The following POM121 variants were observed in gnomAD, a reference collection of about 807,000 sequenced individuals.
POM121 encodes POM121 transmembrane nucleoporin.
Under a neutral mutation model 81.3 loss-of-function variants are expected in POM121, and 32 were observed. The ratio of observed to expected loss-of-function variants is 0.39; its 90% confidence interval spans 0.30 to 0.53. The LOEUF is 0.53. POM121 is among the 20% of genes least tolerant of loss of function. The pLI is 0.66. For missense variants in POM121, 1,138 were observed against 1,614.6 expected, an observed-to-expected ratio of 0.70 and a Z score of 5.06; for synonymous variants, 514 against 694.2, an observed-to-expected ratio of 0.74 and a Z score of 4.08.
intron 3 of POM121, among the ~76,000 whole-genome samples, chr7:72,903,553 T>C (rs1386075166): frequency 2.0e-5 from 3 of 152,258 alleles, no homozygotes; most frequent in Non-Finnish European, 4.4e-5. Flanking sequence ...GTTCAGTGAC[T>C]TTCTAAACCA....
intron 1 of POM121, among the ~76,000 whole-genome samples, chr7:72,886,814 C>T (rs1272531679): frequency 1.3e-5 from 2 of 150,684 alleles, no homozygotes; most frequent in African/African-American, 2.4e-5. Context: ...TTTTCTTCCC[C>T]CCTTATTGTT....
At chr7:72,903,472 G>A (rs781899269) in intron 3 of POM121, among the ~76,000 whole-genome samples, 4 of 152,158 alleles carry the variant, frequency 2.6e-5, no homozygotes, top group African/African-American at 4.8e-5. Flanking sequence ...GTATTATAAT[G>A]GGGTAACTGG....
chr7:72,939,436 C>T (rs367720701), intron 7 of POM121, 27 bp downstream of exon 7: 7 of 1,613,008 alleles, frequency 4.3e-6, no homozygotes, highest in African/African-American at 4.0e-5. Context: ...GGAGGAGGGG[C>T]TGCTGTTGGT....
chr7:72,891,650 G>A (rs11773592), intron 3 of POM121, among the ~76,000 whole-genome samples: 2 of 152,074 alleles, frequency 1.3e-5, no homozygotes, highest in Non-Finnish European at 2.9e-5. Flanking sequence ...CAAGTGATCC[G>A]CCCACCTCAG....
chr7:72,891,408 T>G (rs1374023669), intron 3 of POM121, among the ~76,000 whole-genome samples: 1 of 152,172 alleles, frequency 6.6e-6, no homozygotes, highest in Non-Finnish European at 1.5e-5. Flanking sequence ...TTTGTTTGTT[T>G]TTTTGTTTGG....
At position 72,902,356 on chromosome 7, in the gene POM121, G is replaced by C. The variant is rs570792416; in HGVS notation, c.-216+11246G>C. Among the ~76,000 whole-genome samples, 7 of 139,902 alleles carry C rather than the reference G, an allele frequency of 5.0e-5. No individual in the cohort carries two copies. In the South Asian group the frequency reaches 1.2e-3, roughly 24 times the overall value. 91.8% of individuals were successfully genotyped at this position (139,902 alleles called of 152,430 possible). A position where few individuals can be genotyped will look rare whatever the true frequency, so the allele number is the denominator to read the frequency against. ...TGGCTCACTGCAACCTCTGCCTCCT[G>C]GGTTCAAGCAATACTCCTGTCTCAG... On this transcript the variant is annotated intron_variant, in intron 3 of 15. Transcript: ENST00000395270.
intron 11 of POM121, 60 bp from the exon 12 acceptor site, chr7:72,945,526 G>A (rs1417023402): frequency 1.8e-5 from 29 of 1,600,772 alleles, no homozygotes; most frequent in Middle Eastern, 2.0e-4. Context: ...GCTCCTGCCC[G>A]GCTCCTCGCT....
At chr7:72,935,042 C>CA (rs1192083787) in intron 5 of POM121, among the ~76,000 whole-genome samples, 3,342 of 132,788 alleles carry the variant, frequency 0.025, 87 homozygotes, top group African/African-American at 0.076. Flanking sequence ...TCAATTTCCA[C>CA]AAAAAAAAAA....
At chr7:72,888,356 A>C (rs1790939427) in intron 1 of POM121, among the ~76,000 whole-genome samples, 1 of 152,168 alleles carries the variant, frequency 6.6e-6, no homozygotes, top group African/African-American at 2.4e-5. Context: ...GACCTTAATA[A>C]TACAACTAAT....
chr7:72,879,725 C>T (rs1789940212), exon 1 of POM121: 1 of 462,112 alleles, frequency 2.2e-6, no homozygotes, highest in African/African-American at 2.0e-5. Flanking sequence ...AGGACACCCG[C>T]CTGGATTTGC....
rs1467665630 is a variant in POM121 at position 72,946,790 on chromosome 7, TTTAAATGCCC to T, written c.*559_*568del. 3.5e-5 allele frequency: 25 copies of T among 720,208 alleles called. 2 individuals carry two copies. Among genetic ancestry groups the T allele is most frequent in the Non-Finnish European group, 4.1e-5 (25 of 604,956 alleles). 44.6% of individuals were successfully genotyped at this position (720,208 alleles called of 1,614,324 possible). A position where few individuals can be genotyped will look rare whatever the true frequency, so the allele number is the denominator to read the frequency against. ...CAGTTCCTTGCAGGATTCCTTCGTT[TTTAAATGCCC>T]TTGAATCTAGCTTTGCCTTGGAGAC... On this transcript the variant is annotated 3_prime_UTR_variant, in exon 13 of 13. Transcript: ENST00000434423.
chr7:72,949,945 G>C (rs200441380), downstream of POM121: 1 of 1,612,254 alleles, frequency 6.2e-7, no homozygotes, highest in African/African-American at 1.3e-5. Flanking sequence ...CAGCAGCATG[G>C]CTGGGAGACA....
upstream of POM121, among the ~76,000 whole-genome samples, chr7:72,923,113 AC>A (rs376744233): frequency 0.13 from 10,461 of 80,734 alleles, 368 homozygotes; most frequent in Middle Eastern, 0.24. Flanking sequence ...CTCCCCCCCA[AC>A]CCCCCCCCCC....
Position 72,946,638 on chromosome 7 carries a change from A to G in POM121, c.*404A>G. On this transcript the variant is annotated 3_prime_UTR_variant, in exon 13 of 13. Transcript: ENST00000434423. The stretch of plus-strand genomic sequence containing the variant: ...CGCCTGGATCGGTGGTGTGCACCTG[A>G]TGGGATTTGGGAAATGGGCTATCCG... The G allele has an allele frequency of 2.0e-6, 2 of 1,001,730 alleles. No homozygotes were observed. The highest frequency in any genetic ancestry group is 2.4e-6 in the Non-Finnish European group (2 of 841,060). 62.1% of individuals were successfully genotyped at this position (1,001,730 alleles called of 1,614,324 possible). A position where few individuals can be genotyped will look rare whatever the true frequency, so the allele number is the denominator to read the frequency against.
intron 11 of POM121, among the ~76,000 whole-genome samples, chr7:72,944,041 A>T (rs1488462219): frequency 3.9e-5 from 6 of 151,910 alleles, no homozygotes; most frequent in Non-Finnish European, 8.8e-5. Flanking sequence ...CTCTGTCTCA[A>T]AAAACAAACC....
chr7:72,898,317 C>T (rs575906698), intron 3 of POM121, among the ~76,000 whole-genome samples: 34 of 152,246 alleles, frequency 2.2e-4, no homozygotes, highest in Admixed American at 1.9e-3. Context: ...TGGTCTCAAA[C>T]TCCTGGGCTC....
upstream of POM121, among the ~76,000 whole-genome samples, chr7:72,922,614 C>T (rs1424441771): frequency 6.6e-6 from 1 of 151,602 alleles, no homozygotes; most frequent in African/African-American, 2.4e-5. Context: ...TGGTCTCGAA[C>T]TCCTGAGCTC....
At chr7:72,949,138 A>G (rs781894077), downstream of POM121, 6 of 1,380,918 alleles carry the variant, frequency 4.3e-6, no homozygotes, top group Non-Finnish European at 6.2e-6. Flanking sequence ...ACAGCTTCAC[A>G]GGCTGCCTCA....
Position 72,925,642 on chromosome 7 carries a change from C to T in POM121, c.521C>T (p.Ser174Phe). The T allele has an allele frequency of 2.2e-6, 2 of 902,040 alleles. No individual in the cohort carries two copies. Among genetic ancestry groups the T allele is most frequent in the Non-Finnish European group, 2.7e-6 (2 of 738,004 alleles). The allele number at this position is 902,040 out of a possible 1,614,324, so 55.9% of individuals were successfully genotyped here. The part of the protein sequence containing the change: ...RRPPARPAPR[S>F]PPPRSPPPRS... ...CCACCTGCCCGCCCGGCGCCGCGCT[C>T]CCCACCGCCGCGCTCCCCACCGCCG... is the stretch of plus-strand genomic sequence containing the variant. Residue 174 changes from serine (S) to phenylalanine (F), a missense_variant, in exon 1 of 13, where the codon TCC (serine) becomes TTC (phenylalanine). Physicochemically the swap from Ser to Phe is radical, Grantham distance 155. Coordinates refer to ENST00000434423, the MANE Select transcript of POM121 (RefSeq NM_001387691.1).
Sources: gnomAD v4.1 joint callset for allele counts (sites outside exome capture counted in the v4.1 genomes callset) on GRCh38, gnomAD v4.1.1 for gene constraint, MANE v1.5 for transcripts, NCBI Gene and HGNC (gene_info 2026-07-23, HGNC 2026-07-21) for gene names.